NACA: variants seen among roughly 807,000 people sequenced by gnomAD.
NACA encodes the protein nascent polypeptide-associated complex subunit alpha.
In NACA, 42 loss-of-function variants were observed where a neutral mutation model predicts 86.4. That is an observed-to-expected ratio of 0.49 (90% CI 0.38 to 0.63). NACA has a LOEUF of 0.63. Among genes scored for constraint, NACA ranks in the 20% least tolerant of loss-of-function variants. The probability of loss-of-function intolerance (pLI) is 0.00; values close to 1 mark genes in which losing one functional copy is unlikely to be tolerated. For synonymous variants in NACA, 898 were observed against 973.7 expected (o/e 0.92, Z 1.45); for missense variants, 2,157 against 2,483.6 (o/e 0.87, Z 2.80).
chr12:56,720,229 GA>G lies in NACA; in HGVS notation c.1300del (p.Ser434LeufsTer10). The G allele has an allele frequency of 6.2e-7, 1 of 1,613,984 alleles. No homozygotes were observed. The highest frequency in any genetic ancestry group is 1.3e-5 in the African/African-American group (1 of 75,024). On this transcript the variant is annotated frameshift_variant, in exon 3 of 9. Coordinates refer to ENST00000454682, the MANE Select transcript of NACA (RefSeq NM_001365896.1). LOFTEE classifies it high-confidence loss of function. ...HYPLVAQMPV[S>X]SVGTTPLVVT... ...CACAAGTGGGGTGGTTCCAACAGAA[GA>G]AACGGGCATTTGGGCCACTAAAGGA...
chr12:56,712,506 TTGAGACACCAAAAA>T lies in NACA; in HGVS notation c.*18_*31del. 1.2e-6 allele frequency: 2 copies of T among 1,606,034 alleles called. No individual in the cohort carries two copies. Among genetic ancestry groups the T allele is most frequent in the Non-Finnish European group, 1.7e-6 (2 of 1,173,352 alleles). On this transcript the variant is annotated 3_prime_UTR_variant, in exon 9 of 9. Transcript: ENST00000454682. ...TTCAAACCAAGCTGCAGTTACTCCT[TTGAGACACCAAAAA>T]AAGTTGCTTCCATATGGTTACATTG...
rs774124204 is a variant in NACA, at chr12:56,716,935, G to C, written c.4595C>G (p.Thr1532Ser). Residue 1532 changes from threonine to serine, a missense_variant, in exon 3 of 9, where the codon ACT becomes AGT. Physicochemically the swap from Thr to Ser is moderately conservative, Grantham distance 58 (BLOSUM62 1). This residue lies in a region of NACA where 797 missense variants were observed against 777.6 expected (regional missense o/e 1.02). Coordinates refer to ENST00000454682, the MANE Select transcript of NACA (RefSeq NM_001365896.1). Reference sequence around the variant, plus strand: ...TGCTGGGGTCTTTTTAGAGAGAAGAGTCGCTGTTGGGGCAATGGGGTCCCT... The same window carrying C: ...TGCTGGGGTCTTTTTAGAGAGAAGACTCGCTGTTGGGGCAATGGGGTCCCT... Reference protein sequence around the residue: ...SRRDPIAPTATLLSKKTPATL... With the variant: ...SRRDPIAPTASLLSKKTPATL... 3 of 1,307,372 alleles carry C rather than the reference G, an allele frequency of 2.3e-6. No homozygotes were observed. The highest frequency in any genetic ancestry group is 2.0e-6 in the Non-Finnish European group (2 of 1,008,516). The allele number at this position is 1,307,372 out of a possible 1,614,324, so 81.0% of individuals were successfully genotyped here.
Position 56,712,872 on chromosome 12 carries a change from A to G in NACA, c.6136T>C (p.Leu2046=), listed in dbSNP as rs765004308. The change falls in exon 8 of 9, where the codon TTG becomes CTG. Residue 2046 remains leucine (L), a synonymous_variant. Coordinates refer to ENST00000454682, the MANE Select transcript of NACA (RefSeq NM_001365896.1). ...ETGVEVKDIE[L]VMSQANVSRA... ...GACACATTTGCTTGTGACATGACCA[A>G]TTCAATGTCCTTAACTTCTACACCT... 5.6e-6 allele frequency: 9 copies of G among 1,614,194 alleles called. No homozygotes were observed. Among genetic ancestry groups the G allele is most frequent in the South Asian group, 4.4e-5 (4 of 91,090 alleles).
Position 56,717,060 on chromosome 12 carries a change from G to A in NACA, c.4470C>T (p.Pro1490=), listed in dbSNP as rs776120629. Residue 1490 remains proline (P), a synonymous_variant, in exon 3 of 9, where the codon CCC becomes CCT. Transcript: ENST00000454682. ...APKQVATSSS[P]KKAPATPAPM... is the part of the protein sequence containing the mutation. Reference sequence around the variant, plus strand: ...GGGCTGGAGTTGCTGGGGCCTTTTTGGGAGAGGAAGAAGTGGCAACTTGTT... The same window carrying A: ...GGGCTGGAGTTGCTGGGGCCTTTTTAGGAGAGGAAGAAGTGGCAACTTGTT... The A allele has an allele frequency of 1.6e-6, 2 of 1,248,758 alleles. No individual in the cohort carries two copies. The highest frequency in any genetic ancestry group is 3.2e-5 in the African/African-American group (2 of 62,478). The allele number at this position is 1,248,758 out of a possible 1,614,324, so 77.4% of individuals were successfully genotyped here. A position where few individuals can be genotyped will look rare whatever the true frequency, so the allele number is the denominator to read the frequency against.
Position 56,719,009 on chromosome 12 carries a change from G to A in NACA, c.2521C>T (p.Leu841Phe). ...GAGTCTTTAGAGCCTTGGAAAGAAAGACTATTCTCTGGAAGAAATGAAGCT... is the reference window on the plus strand; with the variant it reads ...GAGTCTTTAGAGCCTTGGAAAGAAAAACTATTCTCTGGAAGAAATGAAGCT... The part of the protein sequence containing the change: ...VEASFLPENS[L>F]SFQGSKDSPA... The change falls in exon 3 of 9, where the codon CTT becomes TTT. Residue 841 changes from leucine to phenylalanine, a missense_variant. By Grantham distance (22) the Leu-to-Phe change is conservative. Around this residue, in one of 8 missense-constraint regions of NACA, gnomAD observed 174 missense variants for 217.0 expected, o/e 0.80. Coordinates refer to ENST00000454682, the MANE Select transcript of NACA (RefSeq NM_001365896.1). The A allele has an allele frequency of 6.9e-7, 1 of 1,447,620 alleles. No homozygotes were observed. Among genetic ancestry groups the A allele is most frequent in the East Asian group, 3.0e-5 (1 of 33,360 alleles). The allele number at this position is 1,447,620 out of a possible 1,614,324, so 89.7% of individuals were successfully genotyped here. A position where few individuals can be genotyped will look rare whatever the true frequency, so the allele number is the denominator to read the frequency against.
At chr12:56,722,167 C>T (rs1953591520) in intron 2 of NACA, among the ~76,000 whole-genome samples, 1 of 152,160 alleles carries the variant, frequency 6.6e-6, no homozygotes, top group Admixed American at 6.5e-5. Context: ...CTTCTTTATA[C>T]CTTACCAGTT....
rs775559747 is a variant in NACA at position 56,715,852 on chromosome 12, G to A, written c.5659+19C>T. ...TGGACGACAGACACACCATGCACAC[G>A]GCAAACCAAGGCAAATACCCTTGTT... On this transcript the variant is annotated intron_variant, in intron 3 of 8. Coordinates refer to ENST00000454682, the MANE Select transcript of NACA (RefSeq NM_001365896.1). 9.3e-6 allele frequency: 14 copies of A among 1,506,500 alleles called. No individual in the cohort carries two copies. The highest frequency in any genetic ancestry group is 2.8e-5 in the African/African-American group (2 of 71,452). 93.3% of individuals were successfully genotyped at this position (1,506,500 alleles called of 1,614,324 possible). A position where few individuals can be genotyped will look rare whatever the true frequency, so the allele number is the denominator to read the frequency against.
At chr12:56,724,745 G>A (rs1315015943) in intron 1 of NACA, 8 of 536,176 alleles carry the variant, frequency 1.5e-5, no homozygotes, top group Admixed American at 1.0e-4. Context: ...TTCTCAACCC[G>A]AGGGAGAGGA....
At chr12:56,724,908 C>A (rs932859000) in intron 1 of NACA, 18 of 219,978 alleles carry the variant, frequency 8.2e-5, no homozygotes, top group African/African-American at 3.7e-4. Flanking sequence ...AAGTCCAACA[C>A]TTGCTTGTCA....
chr12:56,716,559 G>T lies in NACA; in HGVS notation c.4971C>A (p.Val1657=). 1 of 1,462,298 alleles carries T rather than the reference G, an allele frequency of 6.8e-7. No individual in the cohort carries two copies. Among genetic ancestry groups the T allele is most frequent in the East Asian group, 3.0e-5 (1 of 33,890 alleles). 90.6% of individuals were successfully genotyped at this position (1,462,298 alleles called of 1,614,324 possible). A position where few individuals can be genotyped will look rare whatever the true frequency, so the allele number is the denominator to read the frequency against. ...LKDSPTSPAS[V]TCKMGATVPQ... ...GAACAGTGGCCCCCATTTTACATGTGACAGAAGCTGGGGAAGTAGGGGAGT... is the reference window on the plus strand; with the variant it reads ...GAACAGTGGCCCCCATTTTACATGTTACAGAAGCTGGGGAAGTAGGGGAGT... The change falls in exon 3 of 9, where the codon GTC becomes GTA. Residue 1657 remains valine, a synonymous_variant. Coordinates refer to ENST00000454682, the MANE Select transcript of NACA (RefSeq NM_001365896.1).
chr12:56,719,144 G>T lies in NACA; in HGVS notation c.2386C>A (p.Pro796Thr). The change falls in exon 3 of 9, where the codon CCT (proline) becomes ACT (threonine). Residue 796 changes from proline to threonine, a missense_variant. Coordinates refer to ENST00000454682, the MANE Select transcript of NACA (RefSeq NM_001365896.1). ...TGAGGAGACACACTAACCCCTAAAG[G>T]AGATGGGGAATCAGCTAGGTAAGTC... ...TLTYLADSPS[P>T]LGVSVSPQTK... The T allele has an allele frequency of 6.8e-7, 1 of 1,460,934 alleles. No individual in the cohort carries two copies. Among genetic ancestry groups the T allele is most frequent in the Non-Finnish European group, 9.3e-7 (1 of 1,080,792 alleles). The allele number at this position is 1,460,934 out of a possible 1,614,324, so 90.5% of individuals were successfully genotyped here. A position where few individuals can be genotyped will look rare whatever the true frequency, so the allele number is the denominator to read the frequency against.
Position 56,716,081 on chromosome 12 carries a change from G to T in NACA, c.5449C>A (p.Leu1817Met), listed in dbSNP as rs1953349845. Residue 1817 changes from leucine (L) to methionine (M), a missense_variant, in exon 3 of 9, where the codon CTG becomes ATG. By Grantham distance (15) the Leu-to-Met change is conservative (BLOSUM62 2). Coordinates refer to ENST00000454682, the MANE Select transcript of NACA (RefSeq NM_001365896.1). ...VPTLPPKQQF[L>M]PSSPGLVLES... ...AACACCAGCCCAGGAGAGGACGGCA[G>T]AAATTGCTGTTTAGGAGGCAGAGTG... 1 of 1,613,044 alleles carries T rather than the reference G, an allele frequency of 6.2e-7. No individual in the cohort carries two copies. The highest frequency in any genetic ancestry group is 8.5e-7 in the Non-Finnish European group (1 of 1,179,440).
Position 56,716,978 on chromosome 12 carries a change from C to T in NACA, c.4552G>A (p.Ala1518Thr), listed in dbSNP as rs1017299436. The T allele has an allele frequency of 1.1e-5, 14 of 1,274,696 alleles. No homozygotes were observed. The Admixed American group carries it at 2.5e-4, about 23-fold the overall frequency. The allele number at this position is 1,274,696 out of a possible 1,614,324, so 79.0% of individuals were successfully genotyped here. A position where few individuals can be genotyped will look rare whatever the true frequency, so the allele number is the denominator to read the frequency against. ...GGGTCCCTTCTGGAGGATGGGGTAG[C>T]TGGGACCTCTTTGGGGGAAGAAGGA... is the stretch of plus-strand genomic sequence containing the variant. ...VIPSSPKEVP[A>T]TPSSRRDPIA... The change falls in exon 3 of 9, where the codon GCT becomes ACT. Residue 1518 changes from alanine (A) to threonine (T), a missense_variant. Physicochemically the swap from Ala to Thr is moderately conservative, Grantham distance 58. Transcript: ENST00000454682.
At chr12:56,715,801 T>G (rs1025592029) in intron 3 of NACA, 70 bp downstream of exon 3, 3 of 1,359,546 alleles carry the variant, frequency 2.2e-6, no homozygotes, top group Non-Finnish European at 9.9e-7. Flanking sequence ...AGGGTTAGTA[T>G]TGGTGGGTAG....
At position 56,719,541 on chromosome 12, in the gene NACA, G is replaced by C. The variant is rs1447041179; in HGVS notation, c.1989C>G (p.Ala663=). 2 of 1,613,888 alleles carry C rather than the reference G, an allele frequency of 1.2e-6. No homozygotes were observed. Among genetic ancestry groups the C allele is most frequent in the South Asian group, 2.2e-5 (2 of 91,082 alleles). Residue 663 remains alanine (A), a synonymous_variant, in exon 3 of 9, where the codon GCC becomes GCG. Coordinates refer to ENST00000454682, the MANE Select transcript of NACA (RefSeq NM_001365896.1). Reference sequence around the variant, plus strand: ...TAGTTGTATAAGTTGAGGTACCTTTGGCAGTTGTGGGAGCCACCCCGGCAG... The same window carrying C: ...TAGTTGTATAAGTTGAGGTACCTTTCGCAGTTGTGGGAGCCACCCCGGCAG... The part of the protein sequence containing the change: ...ADPAGVAPTT[A]KGTSTYTTTA...
rs200360816 is a variant in NACA at position 56,718,617 on chromosome 12, G to A, written c.2913C>T (p.Pro971=). ...WAPTPPAATP[P]SPKGGPATPS... ...GAGTAGCTGGACCTCCTTTTGGGGA[G>A]GGAGGAGTTGCAGCTGGGGGTGTGG... is the stretch of plus-strand genomic sequence containing the variant. The change falls in exon 3 of 9, where the codon CCC becomes CCT. Residue 971 remains proline (P), a synonymous_variant. Transcript: ENST00000454682. 9.5e-4 allele frequency: 1,225 copies of A among 1,289,322 alleles called. 3 individuals are homozygous for A. The highest frequency in any genetic ancestry group is 1.1e-3 in the Admixed American group (39 of 34,158). The allele number at this position is 1,289,322 out of a possible 1,614,324, so 79.9% of individuals were successfully genotyped here.
In NACA at chr12:56,720,947, C is replaced by T; in HGVS notation, c.583G>A (p.Val195Ile). ...GGGGTGCCTTTTGGATTAGGGACTA[C>T]CTCAGAGGGAACTTTATTAAGATTA... ...KTNLNKVPSE[V>I]VPNPKGTPSP... Residue 195 changes from valine to isoleucine, a missense_variant, in exon 3 of 9, where the codon GTA becomes ATA. Val to Ile is a conservative substitution (Grantham distance 29, BLOSUM62 3). Around this residue, in one of 8 missense-constraint regions of NACA, gnomAD observed 947 missense variants for 917.9 expected, o/e 1.03. Transcript: ENST00000454682. The T allele has an allele frequency of 1.2e-6, 2 of 1,613,956 alleles. No homozygotes were observed. Among genetic ancestry groups the T allele is most frequent in the East Asian group, 2.2e-5 (1 of 44,884 alleles).
Position 56,717,035 on chromosome 12 carries a change from G to C in NACA, c.4495C>G (p.Pro1499Ala), listed in dbSNP as rs1276500682. The C allele has an allele frequency of 7.8e-7, 1 of 1,286,298 alleles. No homozygotes were observed. Among genetic ancestry groups the C allele is most frequent in the Non-Finnish European group, 1.0e-6 (1 of 998,988 alleles). The allele number at this position is 1,286,298 out of a possible 1,614,324, so 79.7% of individuals were successfully genotyped here. ...SPKKAPATPA[P>A]MGAPTLPAVI... ...GCTGGCAGAGTGGGGGCCCCCATGG[G>C]GGCTGGAGTTGCTGGGGCCTTTTTG... is the stretch of plus-strand genomic sequence containing the variant. The change falls in exon 3 of 9, where the codon CCC (proline) becomes GCC (alanine). Residue 1499 changes from proline to alanine, a missense_variant. Physicochemically the swap from Pro to Ala is conservative, Grantham distance 27 (BLOSUM62 -1). Transcript: ENST00000454682.
rs1331424104 is a variant in NACA, at chr12:56,719,697, A to T, written c.1833T>A (p.Pro611=). The T allele has an allele frequency of 6.2e-7, 1 of 1,613,858 alleles. No individual in the cohort carries two copies. Among genetic ancestry groups the T allele is most frequent in the Middle Eastern group, 1.6e-4 (1 of 6,062 alleles). The change falls in exon 3 of 9, where the codon CCT becomes CCA. Residue 611 remains proline, a synonymous_variant. Transcript: ENST00000454682. ...CAGAGGCCGAGGAGTTAACACCCAG[A>T]GGGGAGGTCATACTGCTGGCTGGCT... ...IGKPASSMTS[P]LGVNSSASVI... is the part of the protein sequence containing the mutation.
Sources: allele counts gnomAD v4.1 joint callset (sites outside exome capture counted in the v4.1 genomes callset), GRCh38; gene constraint gnomAD v4.1.1; regional missense constraint gnomAD v4.1.1; transcripts MANE v1.5; gene names NCBI Gene and HGNC (gene_info 2026-07-23, HGNC 2026-07-21).